The following RPS6KA5 variants were observed in gnomAD, a reference collection of about 807,000 sequenced individuals.
RPS6KA5 encodes the protein ribosomal protein S6 kinase A5, also known as ribosomal protein S6 kinase alpha-5.
Under a neutral mutation model 85.5 loss-of-function variants are expected in RPS6KA5, and 27 were observed. That is an observed-to-expected ratio of 0.32 (90% CI 0.23 to 0.44). The LOEUF (loss-of-function observed/expected upper bound fraction) is 0.44, where lower values mean the gene tolerates loss of function less well. Ranked by LOEUF, RPS6KA5 falls within the 20% of genes least tolerant of loss-of-function variation. RPS6KA5 has a pLI of 1.00. For missense variants in RPS6KA5, 811 were observed against 980.9 expected (o/e 0.83, Z 2.31); for synonymous variants, 334 against 348.2 (o/e 0.96, Z 0.46).
At chr14:91,028,212 C>T (rs2042055500) in intron 1 of RPS6KA5, among the ~76,000 whole-genome samples, 1 of 152,080 alleles carries the variant, frequency 6.6e-6, no homozygotes, top group Non-Finnish European at 1.5e-5. Flanking sequence ...GTATCCATAA[C>T]ACCCTTACAA....
At chr14:91,040,332 C>T (rs1190546102) in intron 1 of RPS6KA5, among the ~76,000 whole-genome samples, 3 of 152,266 alleles carry the variant, frequency 2.0e-5, no homozygotes, top group East Asian at 3.9e-4. Flanking sequence ...CGCTTGAACC[C>T]GAGAGGTGGA....
intron 16 of RPS6KA5, 60 bp downstream of exon 16, chr14:90,873,572 G>A (rs2033259356): frequency 1.1e-5 from 16 of 1,438,144 alleles, no homozygotes; most frequent in African/African-American, 1.4e-5. Flanking sequence ...TACAGAGTAA[G>A]AACATTTGAT....
At chr14:90,955,643 T>TAAG (rs1555367912) in intron 3 of RPS6KA5, among the ~76,000 whole-genome samples, 2 of 151,592 alleles carry the variant, frequency 1.3e-5, no homozygotes, top group Non-Finnish European at 3.0e-5. Context: ...TTAAAATTAA[T>TAAG]TTCTTTAAAA....
At chr14:91,013,656 T>G (rs184543692) in intron 1 of RPS6KA5, among the ~76,000 whole-genome samples, 18 of 152,340 alleles carry the variant, frequency 1.2e-4, no homozygotes, top group Admixed American at 1.0e-3. Context: ...GAAAAAGTAG[T>G]ATTTTATTTC....
chr14:90,880,895 G>A (rs940216909), intron 14 of RPS6KA5, among the ~76,000 whole-genome samples: 10 of 149,800 alleles, frequency 6.7e-5, no homozygotes, highest in African/African-American at 1.2e-4. Context: ...GTACAGTGGC[G>A]TAATCACGAT....
At position 90,857,380 on chromosome 14, in the gene RPS6KA5, A is replaced by G. The variant is rs1413065995; in HGVS notation, c.*14694T>C. ...TAATAAGTGCTTAGTTGCATCTGAA[A>G]TGTTTTTCAAAAACAGAAGTTAAAA... On this transcript the variant is annotated 3_prime_UTR_variant, in exon 17 of 17. Coordinates refer to ENST00000614987, the MANE Select transcript of RPS6KA5 (RefSeq NM_004755.4). 1 of 152,196 alleles carries G rather than the reference A, an allele frequency of 6.6e-6. No homozygotes were observed. Among genetic ancestry groups the G allele is most frequent in the Admixed American group, 6.5e-5 (1 of 15,280 alleles). 9.4% of individuals were successfully genotyped at this position (152,196 alleles called of 1,614,324 possible).
intron 3 of RPS6KA5, among the ~76,000 whole-genome samples, chr14:90,954,032 C>T (rs1389431719): frequency 6.6e-6 from 1 of 152,154 alleles, no homozygotes; most frequent in Non-Finnish European, 1.5e-5. Flanking sequence ...TTTTGAAATC[C>T]TTAAAACTTG....
chr14:91,021,741 G>T (rs1031559056), intron 1 of RPS6KA5, among the ~76,000 whole-genome samples: 1 of 152,102 alleles, frequency 6.6e-6, no homozygotes, highest in African/African-American at 2.4e-5. Flanking sequence ...TGCACAAGTT[G>T]TCCCAGATTT....
chr14:90,936,064 AC>A (rs1212900343), intron 5 of RPS6KA5, among the ~76,000 whole-genome samples: 2 of 152,200 alleles, frequency 1.3e-5, no homozygotes, highest in African/African-American at 4.8e-5. Context: ...AAACTGTACT[AC>A]CAAAAAAATT....
intron 7 of RPS6KA5, among the ~76,000 whole-genome samples, chr14:90,912,593 T>A (rs1043147924): frequency 1.3e-5 from 2 of 152,176 alleles, no homozygotes; most frequent in African/African-American, 2.4e-5. Flanking sequence ...CACACAGCGG[T>A]CCCCAGGTGA....
chr14:90,898,390 C>T (rs1274869446), intron 12 of RPS6KA5, among the ~76,000 whole-genome samples: 2 of 152,170 alleles, frequency 1.3e-5, no homozygotes, highest in African/African-American at 2.4e-5. Context: ...CATGATGTAT[C>T]ATTCCTGGCA....
intron 1 of RPS6KA5, among the ~76,000 whole-genome samples, chr14:91,015,196 T>C (rs1452407619): frequency 6.6e-6 from 1 of 152,220 alleles, no homozygotes; most frequent in Non-Finnish European, 1.5e-5. Flanking sequence ...AACCATTAAC[T>C]ATTTGACAGG....
At chr14:91,010,449 C>T (rs28729868) in intron 1 of RPS6KA5, among the ~76,000 whole-genome samples, 2,122 of 152,218 alleles carry the variant, frequency 0.014, 60 homozygotes, top group African/African-American at 0.048. Context: ...CATAATATCC[C>T]GGATCATCAA....
At chr14:91,012,118 C>G (rs1028966350) in intron 1 of RPS6KA5, among the ~76,000 whole-genome samples, 12 of 151,842 alleles carry the variant, frequency 7.9e-5, no homozygotes, top group African/African-American at 2.9e-4. Flanking sequence ...ATCAGTTCAT[C>G]AATTAAAACA....
chr14:90,894,404 A>AT lies in RPS6KA5; in HGVS notation c.1644+8dup. The AT allele has an allele frequency of 1.2e-6, 2 of 1,612,568 alleles. No homozygotes were observed. Among genetic ancestry groups the AT allele is most frequent in the Non-Finnish European group, 1.7e-6 (2 of 1,178,910 alleles). Reference sequence around the variant, plus strand: ...ACTGAATTACGTAAGAGATCCAGTGATTTTATACCTCAGGTTTCAGATCCC... The same window carrying AT: ...ACTGAATTACGTAAGAGATCCAGTGATTTTTATACCTCAGGTTTCAGATCCC... On this transcript the variant is annotated intron_variant, in intron 13 of 16. Transcript: ENST00000614987.
At chr14:91,037,306 A>G (rs1020114937) in intron 1 of RPS6KA5, among the ~76,000 whole-genome samples, 4 of 152,134 alleles carry the variant, frequency 2.6e-5, no homozygotes, top group Non-Finnish European at 4.4e-5. Context: ...CCCATGACCT[A>G]TCCTAGTCAC....
chr14:90,942,768 G>A (rs1238409705), intron 5 of RPS6KA5, among the ~76,000 whole-genome samples: 1 of 152,122 alleles, frequency 6.6e-6, no homozygotes, highest in African/African-American at 2.4e-5. Flanking sequence ...TAATTCTCCT[G>A]AAGGGCCAAA....
chr14:90,994,729 G>T (rs575421781), intron 2 of RPS6KA5, among the ~76,000 whole-genome samples: 171 of 151,822 alleles, frequency 1.1e-3, no homozygotes, highest in African/African-American at 3.9e-3. Context: ...CCGCCACCAT[G>T]CCCGGCTAAT....
chr14:90,948,493 G>A (rs1243848868), intron 3 of RPS6KA5, among the ~76,000 whole-genome samples: 17 of 152,024 alleles, frequency 1.1e-4, no homozygotes, highest in Non-Finnish European at 2.4e-4. Context: ...TCAGGAGATC[G>A]AGACCATCCT....
Sources: allele counts gnomAD v4.1 joint callset (sites outside exome capture counted in the v4.1 genomes callset), GRCh38; gene constraint gnomAD v4.1.1; transcripts MANE v1.5; gene names NCBI Gene and HGNC (gene_info 2026-07-23, HGNC 2026-07-21).